Variants in PRDM15 observed in about 807,000 individuals in gnomAD.
PRDM15 encodes the protein PR/SET domain 15.
A neutral mutation model predicts 128.6 loss-of-function variants in PRDM15; 64 were observed. The ratio of observed to expected loss-of-function variants is 0.50; its 90% CI spans 0.41 to 0.61. PRDM15 has a LOEUF of 0.61. PRDM15 is among the 20% of genes least tolerant of loss of function. The probability of loss-of-function intolerance (pLI) is 0.00; values close to 1 mark genes in which losing one functional copy is unlikely to be tolerated. For missense variants in PRDM15, 1,242 were observed against 1,569.1 expected (o/e 0.79, Z 3.52); for synonymous variants, 615 against 621.8 (o/e 0.99, Z 0.16).
At position 41,815,900 on chromosome 21, in the gene PRDM15, C is replaced by T. The variant is rs547055198; in HGVS notation, c.2261-64G>A. 91 of 1,593,792 alleles carry T rather than the reference C, an allele frequency of 5.7e-5. No homozygotes were observed. The South Asian group carries it at 9.0e-4, about 16-fold the overall frequency. ...ACGCAGCCCACCTGGGGGCCCATGCCCGAGACCCTGGGGCAGGCACAGGCA... is the reference window on the plus strand; with the variant it reads ...ACGCAGCCCACCTGGGGGCCCATGCTCGAGACCCTGGGGCAGGCACAGGCA... On this transcript the variant is annotated intron_variant, in intron 18 of 23. Transcript: ENST00000398548.
intron 1 of PRDM15, chr21:41,871,540 C>G: frequency 6.2e-7 from 1 of 1,611,714 alleles, no homozygotes; most frequent in South Asian, 1.1e-5. Context: ...TCGCAGGGCT[C>G]AGTGGCTCAG....
chr21:41,834,346 C>A (rs1170580534), intron 11 of PRDM15, among the ~76,000 whole-genome samples: 3 of 152,190 alleles, frequency 2.0e-5, no homozygotes, highest in African/African-American at 7.2e-5. Flanking sequence ...TCACATGGCC[C>A]ATGTGCGACA....
chr21:41,843,096 T>G (rs1031220715), intron 6 of PRDM15, among the ~76,000 whole-genome samples: 1 of 151,410 alleles, frequency 6.6e-6, no homozygotes, highest in Non-Finnish European at 1.5e-5. Context: ...GATTTTTTTG[T>G]TTTTTTGTTT....
chr21:41,833,705 G>A (rs554762413), intron 11 of PRDM15, among the ~76,000 whole-genome samples: 100 of 152,242 alleles, frequency 6.6e-4, no homozygotes, highest in African/African-American at 2.4e-3. Context: ...GGCGCTCTGC[G>A]GGTTCTAGGT....
intron 1 of PRDM15, among the ~76,000 whole-genome samples, chr21:41,861,056 T>C (rs2063793478): frequency 6.6e-6 from 1 of 152,180 alleles, no homozygotes; most frequent in Admixed American, 6.5e-5. Flanking sequence ...CTGCAGCCTC[T>C]ACCTGCTGGG....
At chr21:41,841,377 G>A (rs1340083634) in intron 6 of PRDM15, among the ~76,000 whole-genome samples, 1 of 152,210 alleles carries the variant, frequency 6.6e-6, no homozygotes, top group African/African-American at 2.4e-5. Context: ...TGTGCAGAAA[G>A]AGAATAAGAA....
intron 19 of PRDM15, chr21:41,813,510 G>C (rs1404993158): frequency 1.3e-5 from 2 of 152,450 alleles, no homozygotes; most frequent in Non-Finnish European, 2.9e-5. Flanking sequence ...GACGTGGGCT[G>C]GATAAAGGCA....
intron 8 of PRDM15, 185 bp from the exon 9 acceptor site, chr21:41,836,834 A>G: frequency 2.0e-6 from 1 of 511,520 alleles, no homozygotes; most frequent in Non-Finnish European, 3.5e-6. Flanking sequence ...CACCTTGAAT[A>G]TATAATGACA....
chr21:41,834,007 G>A (rs1023965925), intron 11 of PRDM15, among the ~76,000 whole-genome samples: 15 of 152,324 alleles, frequency 9.8e-5, no homozygotes, highest in African/African-American at 2.6e-4. Flanking sequence ...CCGGGGCTGC[G>A]TTAAGTGGAA....
chr21:41,869,705 C>T (rs1387818794), intron 1 of PRDM15, among the ~76,000 whole-genome samples: 2 of 152,146 alleles, frequency 1.3e-5, no homozygotes, highest in African/African-American at 4.8e-5. Context: ...CTCGGCCTCC[C>T]AAGTGCTGGG....
intron 1 of PRDM15, among the ~76,000 whole-genome samples, chr21:41,864,102 A>G (rs562681432): frequency 5.8e-4 from 89 of 152,270 alleles, no homozygotes; most frequent in African/African-American, 2.1e-3. Flanking sequence ...TCGGCCTCCC[A>G]AAGTGCTGGG....
Position 41,821,771 on chromosome 21 carries a change from T to C in PRDM15, c.1896+132A>G. The C allele has an allele frequency of 4.4e-6, 5 of 1,132,074 alleles. No individual in the cohort carries two copies. In the East Asian group the frequency reaches 7.2e-5, roughly 16 times the overall value. 70.1% of individuals were successfully genotyped at this position (1,132,074 alleles called of 1,614,324 possible). ...GGCACCCAGTCTGCAGTAGGACCACTGGCCGGAGCCTTTGGGGAGGGAGGG... is the reference window on the plus strand; with the variant it reads ...GGCACCCAGTCTGCAGTAGGACCACCGGCCGGAGCCTTTGGGGAGGGAGGG... On this transcript the variant is annotated intron_variant, in intron 15 of 23. Coordinates refer to ENST00000398548, the MANE Select transcript of PRDM15 (RefSeq NM_001040424.3). The surrounding 1 kb of genome is among the most constrained non-coding windows in gnomAD (Gnocchi z 5.4).
intron 1 of PRDM15, chr21:41,874,711 G>A (rs67610389): frequency 0.25 from 37,659 of 151,444 alleles, 5,085 homozygotes; most frequent in East Asian, 0.33. Context: ...TGAGTTTGCC[G>A]TGAGCCGCAT....
intron 1 of PRDM15, chr21:41,871,342 C>T (rs2064200970): frequency 3.3e-6 from 1 of 301,580 alleles, no homozygotes; most frequent in East Asian, 5.1e-5. Flanking sequence ...CCCCCCACCC[C>T]CACCCCCCAA....
Position 41,801,092 on chromosome 21 carries a change from G to T in PRDM15, c.*148C>A. ...AAGCTGACAGACCGTAATGGTTGCT[G>T]GCGGGGGATCTGGAGATACTCTGCA... On this transcript the variant is annotated 3_prime_UTR_variant, in exon 24 of 24. Transcript: ENST00000398548. 8.6e-7 allele frequency: 1 copy of T among 1,163,520 alleles called. No individual in the cohort carries two copies. The highest frequency in any genetic ancestry group is 1.2e-6 in the Non-Finnish European group (1 of 841,370). 72.1% of individuals were successfully genotyped at this position (1,163,520 alleles called of 1,614,324 possible).
chr21:41,837,842 C>T (rs2062945954), intron 8 of PRDM15, 92 bp downstream of exon 8: 3 of 1,427,448 alleles, frequency 2.1e-6, no homozygotes, highest in Non-Finnish European at 2.9e-6. Flanking sequence ...CTGGGGCTTT[C>T]CTGCTGGGAA....
intron 16 of PRDM15, among the ~76,000 whole-genome samples, chr21:41,820,532 G>C (rs1280551704): frequency 6.6e-6 from 1 of 152,224 alleles, no homozygotes; most frequent in Non-Finnish European, 1.5e-5. Context: ...TGAGGACACA[G>C]GGAGAAGACG....
chr21:41,807,956 C>T (rs1302166948), intron 21 of PRDM15, among the ~76,000 whole-genome samples: 1 of 152,174 alleles, frequency 6.6e-6, no homozygotes, highest in African/African-American at 2.4e-5. Context: ...GGCGAACTTG[C>T]AGTTGGGCCA....
At chr21:41,875,724 CTAT>C (rs1227991070) in intron 1 of PRDM15, among the ~76,000 whole-genome samples, 1 of 152,224 alleles carries the variant, frequency 6.6e-6, no homozygotes, top group African/African-American at 2.4e-5. Context: ...TGAAATCACT[CTAT>C]TGATTCACCC....
Sources: gnomAD v4.1 joint callset for allele counts (sites outside exome capture counted in the v4.1 genomes callset) on GRCh38, gnomAD v4.1.1 for gene constraint, Gnocchi (gnomAD v3.1) non-coding constraint, MANE v1.5 for transcripts, NCBI Gene and HGNC (gene_info 2026-07-23, HGNC 2026-07-21) for gene names.